CYFIP2: variants seen among roughly 807,000 people sequenced by gnomAD.
CYFIP2 encodes the protein cytoplasmic FMR1 interacting protein 2.
A neutral mutation model predicts 158.7 loss-of-function variants in CYFIP2; 29 were observed. The ratio of observed to expected loss-of-function variants is 0.18; its 90% CI spans 0.14 to 0.25. The LOEUF is 0.25. CYFIP2 is among the 10% of genes least tolerant of loss of function. The pLI is 1.00. For missense variants in CYFIP2, 852 were observed against 1,639.5 expected (o/e 0.52, Z 8.29); for synonymous variants, 585 against 617.6 (o/e 0.95, Z 0.78).
intron 22 of CYFIP2, among the ~76,000 whole-genome samples, chr5:157,339,997 T>G (rs1363218359): frequency 6.6e-6 from 1 of 152,192 alleles, no homozygotes; most frequent in Non-Finnish European, 1.5e-5. Flanking sequence ...ATGATCAGAT[T>G]GTATGTTTGT....
At chr5:157,283,967 G>T (rs1003652247) in intron 1 of CYFIP2, among the ~76,000 whole-genome samples, 1 of 152,146 alleles carries the variant, frequency 6.6e-6, no homozygotes, top group African/African-American at 2.4e-5. Context: ...GGGATCGAAG[G>T]TGGTTAGGAA....
chr5:157,286,629 A>ACTGTT (rs1409420195), intron 2 of CYFIP2, among the ~76,000 whole-genome samples: 46 of 150,820 alleles, frequency 3.0e-4, no homozygotes, highest in Non-Finnish European at 6.2e-4. Context: ...GTTTGTTTTA[A>ACTGTT]TCACAAAAAA....
At chr5:157,326,118 C>T in intron 17 of CYFIP2, 53 bp from the exon 18 acceptor site, 1 of 1,333,982 alleles carries the variant, frequency 7.5e-7, no homozygotes, top group Non-Finnish European at 1.1e-6. Flanking sequence ...ATAAAGCTGT[C>T]TTCCTTAAGG....
At chr5:157,301,195 C>A (rs1259604039) in intron 6 of CYFIP2, among the ~76,000 whole-genome samples, 1 of 152,150 alleles carries the variant, frequency 6.6e-6, no homozygotes, top group Non-Finnish European at 1.5e-5. Flanking sequence ...TAATATGGGA[C>A]CAGTAAGATC....
intron 8 of CYFIP2, among the ~76,000 whole-genome samples, chr5:157,307,156 T>G (rs1759302728): frequency 6.6e-6 from 1 of 152,122 alleles, no homozygotes; most frequent in Non-Finnish European, 1.5e-5. Flanking sequence ...TTTTAAAAAA[T>G]TAAAGTCACC....
chr5:157,307,655 G>GTGTGTGTGTGTGTA (rs775613889), intron 8 of CYFIP2, 106 bp from the exon 9 acceptor site: 13 of 614,162 alleles, frequency 2.1e-5, no homozygotes, highest in African/African-American at 6.1e-5. Flanking sequence ...GTGTGTGTGT[G>GTGTGTGTGTGTGTA]TATGTGTGTG....
At chr5:157,314,807 CTTCTT>C (rs1407265332) in intron 12 of CYFIP2, among the ~76,000 whole-genome samples, 157 bp from the exon 13 acceptor site, 1 of 152,188 alleles carries the variant, frequency 6.6e-6, no homozygotes, top group African/African-American at 2.4e-5. Context: ...TTGTATCAGG[CTTCTT>C]TTCTTTTGCA....
chr5:157,355,183 T>G (rs1223356857), intron 23 of CYFIP2, among the ~76,000 whole-genome samples: 1 of 152,176 alleles, frequency 6.6e-6, no homozygotes, highest in Non-Finnish European at 1.5e-5. Flanking sequence ...TTCTATCAAC[T>G]AGTCCTGGCT....
chr5:157,393,099 G>T lies in CYFIP2; in HGVS notation c.*99G>T. The T allele has an allele frequency of 7.1e-7, 1 of 1,414,544 alleles. No homozygotes were observed. The highest frequency in any genetic ancestry group is 9.5e-7 in the Non-Finnish European group (1 of 1,049,940). 87.6% of individuals were successfully genotyped at this position (1,414,544 alleles called of 1,614,324 possible). A position where few individuals can be genotyped will look rare whatever the true frequency, so the allele number is the denominator to read the frequency against. The stretch of plus-strand genomic sequence containing the variant: ...TAGGATCCAACTGGACAACGTGTGG[G>T]ATGGACCTGGAAACAAGCACCTCCC... On this transcript the variant is annotated 3_prime_UTR_variant, in exon 31 of 31. Transcript: ENST00000620254.
At chr5:157,291,551 C>CGGGACCACCCGGG in intron 3 of CYFIP2, among the ~76,000 whole-genome samples, 1 of 152,212 alleles carries the variant, frequency 6.6e-6, no homozygotes, top group East Asian at 1.9e-4. Flanking sequence ...AATTAACACC[C>CGGGACCACCCGGG]GTCGGCAGGC....
intron 23 of CYFIP2, chr5:157,345,283 T>C (rs1285205352): frequency 6.6e-6 from 1 of 152,406 alleles, no homozygotes; most frequent in Non-Finnish European, 1.5e-5. Flanking sequence ...ACAAATGTTC[T>C]CTTGGCTTCC....
intron 26 of CYFIP2, chr5:157,362,910 A>T (rs1466033643): frequency 6.6e-6 from 1 of 152,208 alleles, no homozygotes; most frequent in African/African-American, 2.4e-5. Context: ...TTCATTTCTT[A>T]TGATGGGGGA....
At chr5:157,295,530 G>A (rs1272255088) in intron 4 of CYFIP2, among the ~76,000 whole-genome samples, 1 of 152,174 alleles carries the variant, frequency 6.6e-6, no homozygotes. Flanking sequence ...AATTTGGTTT[G>A]CATCCTTTCA....
intron 3 of CYFIP2, chr5:157,288,608 A>G (rs1334455191): frequency 4.4e-6 from 2 of 456,214 alleles, no homozygotes; most frequent in South Asian, 3.1e-5. Context: ...CTTTTTCTAT[A>G]CAGATATTTT....
chr5:157,379,699 A>G (rs938720379), intron 26 of CYFIP2, among the ~76,000 whole-genome samples: 1 of 130,730 alleles, frequency 7.6e-6, no homozygotes, highest in East Asian at 2.6e-4. Context: ...AAAAACCCAC[A>G]CCAGACGCAG....
chr5:157,276,111 T>C (rs1461141658), intron 1 of CYFIP2, among the ~76,000 whole-genome samples: 1 of 152,246 alleles, frequency 6.6e-6, no homozygotes, highest in Non-Finnish European at 1.5e-5. Flanking sequence ...GTTTTACTTT[T>C]TCCTTTCTAA....
intron 23 of CYFIP2, among the ~76,000 whole-genome samples, chr5:157,351,516 T>C (rs991722053): frequency 1.1e-4 from 17 of 152,270 alleles, no homozygotes; most frequent in Admixed American, 9.8e-4. Context: ...TGTTCTCGTT[T>C]TACAAACCAC....
chr5:157,382,949 G>A (rs1466613921), intron 27 of CYFIP2, among the ~76,000 whole-genome samples: 1 of 151,950 alleles, frequency 6.6e-6, no homozygotes, highest in Non-Finnish European at 1.5e-5. Flanking sequence ...GACACTCCAG[G>A]CCCTGTCCCT....
intron 4 of CYFIP2, among the ~76,000 whole-genome samples, chr5:157,295,207 G>A (rs556838397): frequency 3.9e-5 from 6 of 152,134 alleles, no homozygotes; most frequent in Admixed American, 2.0e-4. Context: ...CCATGGGATG[G>A]CCATGTACAC....
Sources: allele counts gnomAD v4.1 joint callset (sites outside exome capture counted in the v4.1 genomes callset), GRCh38; gene constraint gnomAD v4.1.1; transcripts MANE v1.5; gene names NCBI Gene and HGNC (gene_info 2026-07-23, HGNC 2026-07-21).